FHL1: variants seen among roughly 807,000 people sequenced by gnomAD.
The protein encoded by FHL1 is four and a half LIM domains protein 1.
FHL1 carries 1 observed loss-of-function variant against 20.3 expected under a neutral mutation model. The observed-to-expected ratio is 0.05, with a 90% CI of 0.02 to 0.23. FHL1 has a LOEUF of 0.23. Among genes scored for constraint, FHL1 ranks in the 10% least tolerant of loss-of-function variants. The pLI, the probability that FHL1 is intolerant of heterozygous loss-of-function variation, is 1.00. For synonymous variants in FHL1, 82 were observed against 88.9 expected (o/e 0.92, Z 0.44); for missense variants, 177 against 234.0 (o/e 0.76, Z 1.59).
chrX:136,174,197 T>C (rs193074979), intron 2 of FHL1, among the ~76,000 whole-genome samples: 295 of 111,974 alleles, frequency 2.6e-3, no homozygotes, highest in Non-Finnish European at 4.8e-3. Flanking sequence ...TCTCAAGATA[T>C]CAGCTTGCTA....
chrX:136,199,965 GA>G (rs1240346263), intron 1 of FHL1, among the ~76,000 whole-genome samples: 1 of 111,799 alleles, frequency 8.9e-6, no homozygotes, highest in East Asian at 2.8e-4. Flanking sequence ...AAAGAAAAAA[GA>G]AAAAAACAAA....
In FHL1 at chrX:136,208,438, T is replaced by C; in HGVS notation, c.550-17T>C. ...TGGTTGTTGAATCTGAATCCGGTGCTACACTCCCTGGTCTAGGCCATCACA... is the reference window on the plus strand; with the variant it reads ...TGGTTGTTGAATCTGAATCCGGTGCCACACTCCCTGGTCTAGGCCATCACA... On this transcript the variant is annotated splice_polypyrimidine_tract_variant and intron_variant, in intron 4 of 5. Coordinates refer to ENST00000370683, the MANE Select transcript of FHL1 (RefSeq NM_001159699.2). 1 of 1,210,954 alleles carries C rather than the reference T, an allele frequency of 8.3e-7. No homozygotes were observed. The highest frequency in any genetic ancestry group is 1.8e-5 in the South Asian group (1 of 56,963).
At chrX:136,162,597 G>C (rs986729015) in intron 1 of FHL1, among the ~76,000 whole-genome samples, 1 of 111,780 alleles carries the variant, frequency 8.9e-6, no homozygotes, top group African/African-American at 3.3e-5. Flanking sequence ...GCTATCACCT[G>C]GGAGCTTGTT....
intron 2 of FHL1, among the ~76,000 whole-genome samples, chrX:136,174,549 A>G (rs948952047): frequency 1.2e-4 from 13 of 111,710 alleles, no homozygotes; most frequent in African/African-American, 4.2e-4. Context: ...AAAATCAGTC[A>G]GGCAGTGATG....
In FHL1 at chrX:136,208,633, C is replaced by A. The variant is rs746311721; in HGVS notation, c.728C>A (p.Pro243His). Residue 243 changes from proline to histidine, a missense_variant, in exon 5 of 6, where the codon CCC becomes CAC. Coordinates refer to ENST00000370683, the MANE Select transcript of FHL1 (RefSeq NM_001159699.2). Reference protein sequence around the residue: ...VAKKCAGCKNPITGFGKGSSV... With the variant: ...VAKKCAGCKNHITGFGKGSSV... Reference sequence around the variant, plus strand: ...AAGAAGTGTGCTGGATGCAAGAACCCCATCACTGGTAGGCTAAAGAGTCCT... The same window carrying A: ...AAGAAGTGTGCTGGATGCAAGAACCACATCACTGGTAGGCTAAAGAGTCCT... The A allele has an allele frequency of 8.3e-6, 10 of 1,207,680 alleles. No homozygotes were observed. In the Admixed American group the frequency reaches 1.7e-4, roughly 21 times the overall value.
chrX:136,151,236 A>G (rs918731548), intron 1 of FHL1, among the ~76,000 whole-genome samples: 1 of 112,082 alleles, frequency 8.9e-6, no homozygotes, highest in East Asian at 2.8e-4. Flanking sequence ...TAAATATCCA[A>G]CAGCGCATAG....
intron 1 of FHL1, 76 bp from the exon 2 acceptor site, chrX:136,206,331 G>C (rs1321265754): frequency 8.7e-7 from 1 of 1,149,458 alleles, no homozygotes; most frequent in African/African-American, 1.8e-5. Context: ...GCATTGTGCA[G>C]GTGCCTCTGG....
chrX:136,149,828 A>T (rs1340769570), intron 1 of FHL1, among the ~76,000 whole-genome samples: 1 of 112,078 alleles, frequency 8.9e-6, no homozygotes, highest in Non-Finnish European at 1.9e-5. Context: ...TTAAGGGGAA[A>T]TAGATTTTTA....
At position 136,171,972 on chromosome X, in the gene FHL1, C is replaced by G. The variant is rs1309632513; in HGVS notation, c.-27+1992C>G. ...GTGGTGCGATCTGGCTCAGTGCAAC[C>G]TCCGTCTCCCAGGTTCAAGCAATTC... On this transcript the variant is annotated intron_variant, in intron 2 of 6. Transcript: ENST00000394153. Among the ~76,000 whole-genome samples, 4 of 110,284 alleles carry G rather than the reference C, an allele frequency of 3.6e-5. No individual in the cohort carries two copies. In the Admixed American group the frequency reaches 3.9e-4, roughly 11 times the overall value.
At chrX:136,190,166 G>A (rs2073400202) in intron 2 of FHL1, among the ~76,000 whole-genome samples, 1 of 111,592 alleles carries the variant, frequency 9.0e-6, no homozygotes, top group African/African-American at 3.3e-5. Context: ...ATCTTTCCAC[G>A]TACATGTCCT....
At chrX:136,196,916 G>C, upstream of FHL1, 1 of 1,113,840 alleles carries the variant, frequency 9.0e-7, no homozygotes, top group Non-Finnish European at 1.2e-6. Flanking sequence ...TTCTCCCTTG[G>C]ATCACCTAAA....
At position 136,208,759 on chromosome X, in the gene FHL1, CT is replaced by C. The variant is rs944531660; in HGVS notation, c.736+119del. 1.9e-5 allele frequency: 14 copies of C among 745,078 alleles called. No homozygotes were observed. The Admixed American group carries it at 2.1e-4, about 11-fold the overall frequency. 61.4% of individuals were successfully genotyped at this position (745,078 alleles called of 1,213,427 possible). On this transcript the variant is annotated intron_variant, in intron 5 of 5. Coordinates refer to ENST00000370683, the MANE Select transcript of FHL1 (RefSeq NM_001159699.2). ...GCCCCCAGAGAATGCCCTTCTCCCCCTGCTATTGTGGTCCCAAAGGCCCCCC... is the reference window on the plus strand; with the variant it reads ...GCCCCCAGAGAATGCCCTTCTCCCCCGCTATTGTGGTCCCAAAGGCCCCCC...
intron 1 of FHL1, among the ~76,000 whole-genome samples, chrX:136,152,719 C>A (rs866101643): frequency 1.8e-3 from 94 of 52,786 alleles, no homozygotes; most frequent in African/African-American, 2.9e-3. Flanking sequence ...GACTCCATCT[C>A]AAAAAAAAAA....
At chrX:136,157,909 TAGAC>T (rs1281289003) in intron 1 of FHL1, among the ~76,000 whole-genome samples, 2 of 111,765 alleles carry the variant, frequency 1.8e-5, no homozygotes, top group Admixed American at 9.5e-5. Context: ...ACAATTCTGA[TAGAC>T]AGAAAAGCAG....
chrX:136,196,726 A>G, upstream of FHL1: 1 of 887,328 alleles, frequency 1.1e-6, no homozygotes, highest in Admixed American at 3.0e-5. Context: ...CTCTTGAGGC[A>G]TATAAAGTGG....
At chrX:136,185,477 C>A (rs930429673) in intron 2 of FHL1, among the ~76,000 whole-genome samples, 1 of 111,822 alleles carries the variant, frequency 8.9e-6, no homozygotes, top group Non-Finnish European at 1.9e-5. Flanking sequence ...AAACATCAGC[C>A]CCTTTTCTGA....
intron 1 of FHL1, among the ~76,000 whole-genome samples, chrX:136,152,654 AG>A (rs2072295936): frequency 1.1e-5 from 1 of 91,553 alleles, no homozygotes; most frequent in Non-Finnish European, 2.1e-5. Flanking sequence ...CAGGAGTCGG[AG>A]GTTGCAGTGA....
rs749348637 is a variant in FHL1, at chrX:136,207,025, T to C, written c.214T>C (p.Tyr72His). 8.3e-7 allele frequency: 1 copy of C among 1,211,007 alleles called. No homozygotes were observed. Residue 72 changes from tyrosine to histidine, a missense_variant, in exon 3 of 6, where the codon TAT (tyrosine) becomes CAT (histidine). Coordinates refer to ENST00000370683, the MANE Select transcript of FHL1 (RefSeq NM_001159699.2). The part of the protein sequence containing the change: ...PIGADSKEVH[Y>H]KNRFWHDTCF... ...TCTGCTTGGTTTCCAGGAGGTGCACTATAAGAACCGCTTCTGGCATGACAC... is the reference window on the plus strand; with the variant it reads ...TCTGCTTGGTTTCCAGGAGGTGCACCATAAGAACCGCTTCTGGCATGACAC...
intron 2 of FHL1, among the ~76,000 whole-genome samples, chrX:136,188,333 CAG>C (rs2073357944): frequency 9.0e-6 from 1 of 111,493 alleles, no homozygotes; most frequent in Admixed American, 9.5e-5. Context: ...TACGGAGCCT[CAG>C]AGAATCTTTT....
Sources: allele counts gnomAD v4.1 joint callset (sites outside exome capture counted in the v4.1 genomes callset), GRCh38; gene constraint gnomAD v4.1.1; transcripts MANE v1.5; gene names NCBI Gene and HGNC (gene_info 2026-07-23, HGNC 2026-07-21).